The following HSDL1 variants were observed in gnomAD, a reference collection of about 807,000 sequenced individuals.
HSDL1 encodes the protein inactive hydroxysteroid dehydrogenase-like protein 1.
In HSDL1, 29 loss-of-function variants were observed where a neutral mutation model predicts 31.5. That is an observed-to-expected ratio of 0.92 (90% CI 0.69 to 1.26). The LOEUF (loss-of-function observed/expected upper bound fraction) is 1.26, where lower values mean the gene tolerates loss of function less well. Ranked by LOEUF, HSDL1 falls within the 50% of genes most tolerant of loss-of-function variation. The pLI, the probability that HSDL1 is intolerant of heterozygous loss-of-function variation, is 0.00. For missense variants in HSDL1, 503 were observed against 416.6 expected (o/e 1.21, Z -1.81); for synonymous variants, 222 against 155.2 (o/e 1.43, Z -3.20).
chr16:84,141,954 G>A (rs955216812), intron 1 of HSDL1, among the ~76,000 whole-genome samples: 2 of 152,144 alleles, frequency 1.3e-5, no homozygotes, highest in African/African-American at 4.8e-5. Flanking sequence ...TTGAGACAAG[G>A]TCTGGCTCTA....
rs1597369190 is a variant in HSDL1, at chr16:84,123,251, C to G, written c.*1379G>C. On this transcript the variant is annotated 3_prime_UTR_variant, in exon 6 of 6. Coordinates refer to ENST00000219439, the MANE Select transcript of HSDL1 (RefSeq NM_031463.5). Reference sequence around the variant, plus strand: ...TGTGTTCATAAAACTGTGCTTAGGTCTGCTTATGATAGATTATCACGTCAC... The same window carrying G: ...TGTGTTCATAAAACTGTGCTTAGGTGTGCTTATGATAGATTATCACGTCAC... The G allele has an allele frequency of 6.6e-6, 1 of 152,320 alleles. No homozygotes were observed. Among genetic ancestry groups the G allele is most frequent in the Middle Eastern group, 3.4e-3 (1 of 294 alleles). The allele number at this position is 152,320 out of a possible 1,614,324, so 9.4% of individuals were successfully genotyped here.
chr16:84,130,491 ACCCAAAGTAC>A, intron 3 of HSDL1, 60 bp from the exon 4 acceptor site: 1 of 1,360,174 alleles, frequency 7.4e-7, no homozygotes, highest in Non-Finnish European at 1.0e-6. Context: ...CTTAAAATGG[ACCCAAAGTAC>A]CCCCTGTCAG....
At chr16:84,134,136 C>A (rs973873856) in intron 2 of HSDL1, among the ~76,000 whole-genome samples, 1 of 152,048 alleles carries the variant, frequency 6.6e-6, no homozygotes, top group African/African-American at 2.4e-5. Context: ...GTGTAGCGAA[C>A]GAGCATACCT....
chr16:84,125,562 CAACA>C (rs1419534073), intron 5 of HSDL1, among the ~76,000 whole-genome samples: 1 of 151,930 alleles, frequency 6.6e-6, no homozygotes, highest in African/African-American at 2.4e-5. Flanking sequence ...CAATCAATCA[CAACA>C]AATACCCACC....
At chr16:84,143,727 T>C (rs2086795386) in intron 1 of HSDL1, among the ~76,000 whole-genome samples, 1 of 151,706 alleles carries the variant, frequency 6.6e-6, no homozygotes, top group African/African-American at 2.4e-5. Flanking sequence ...CCGGGTACAG[T>C]GGCTCATGTC....
rs1213600091 is a variant in HSDL1, at chr16:84,124,739, A to G, written c.895-11T>C. The G allele has an allele frequency of 6.3e-6, 10 of 1,597,434 alleles. No homozygotes were observed. The highest frequency in any genetic ancestry group is 8.6e-6 in the Non-Finnish European group (10 of 1,165,056). On this transcript the variant is annotated splice_polypyrimidine_tract_variant and intron_variant, in intron 5 of 5. Coordinates refer to ENST00000219439, the MANE Select transcript of HSDL1 (RefSeq NM_031463.5). ...CTGTGCAAAAAGAAACTAAAAATGAAAGAGAAAAAGGTTGTAAGGTTAGAA... is the reference window on the plus strand; with the variant it reads ...CTGTGCAAAAAGAAACTAAAAATGAGAGAGAAAAAGGTTGTAAGGTTAGAA...
At position 84,128,674 on chromosome 16, in the gene HSDL1, T is replaced by G. The variant is rs565318852; in HGVS notation, c.894+874A>C. The stretch of plus-strand genomic sequence containing the variant: ...AAATTCCCATGTAAATACTTAGTAT[T>G]TTTATAGTCCTAACATCCACTTACA... On this transcript the variant is annotated intron_variant, in intron 5 of 5. Coordinates refer to ENST00000219439, the MANE Select transcript of HSDL1 (RefSeq NM_031463.5). Among the ~76,000 whole-genome samples the G allele has an allele frequency of 3.3e-5, 5 of 152,290 alleles. No individual in the cohort carries two copies. In the East Asian group the frequency reaches 9.6e-4, roughly 29 times the overall value.
chr16:84,129,668 G>T lies in HSDL1; in HGVS notation c.774C>A (p.Pro258=), dbSNP rs2086642630. Residue 258 remains proline (P), a synonymous_variant, in exon 5 of 6, where the codon CCC becomes CCA. Transcript: ENST00000219439. ...ACGAGCACCTGTGCAGAAAGTTGCTGGGTGCTGTCATGCTGGTGGCTACAT... is the reference window on the plus strand; with the variant it reads ...ACGAGCACCTGTGCAGAAAGTTGCTTGGTGCTGTCATGCTGGTGGCTACAT... ...PFYVATSMTA[P]SNFLHRCSWL... is the part of the protein sequence containing the mutation. 1 of 1,614,054 alleles carries T rather than the reference G, an allele frequency of 6.2e-7. No homozygotes were observed. Among genetic ancestry groups the T allele is most frequent in the Admixed American group, 1.7e-5 (1 of 60,006 alleles).
At chr16:84,142,098 T>G (rs1271516848) in intron 1 of HSDL1, among the ~76,000 whole-genome samples, 9 of 152,142 alleles carry the variant, frequency 5.9e-5, no homozygotes, top group African/African-American at 2.2e-4. Context: ...AGTTAAATTT[T>G]TTTTGTGTGT....
At chr16:84,141,178 T>C (rs1391533920) in intron 1 of HSDL1, among the ~76,000 whole-genome samples, 1 of 152,136 alleles carries the variant, frequency 6.6e-6, no homozygotes, top group Non-Finnish European at 1.5e-5. Context: ...TTTGGTGACT[T>C]GTTTCTTTCA....
At chr16:84,141,197 C>A (rs1037805989) in intron 1 of HSDL1, among the ~76,000 whole-genome samples, 1 of 150,730 alleles carries the variant, frequency 6.6e-6, no homozygotes, top group Non-Finnish European at 1.5e-5. Context: ...CACTCAACAT[C>A]ATTCCCGAGA....
In HSDL1 at chr16:84,130,303, CT is replaced by C; in HGVS notation, c.348del (p.Val117TrpfsTer6). On this transcript the variant is annotated frameshift_variant, in exon 4 of 6. Transcript: ENST00000219439. LOFTEE classifies it high-confidence loss of function. ...VVAKDIADTY[K>X]VETDIIVADF... ...TCCGCAACTATAATATCAGTTTCCA[CT>C]TTGTACGTGTCGGCTATGTCTTTAG... 1 of 1,614,220 alleles carries C rather than the reference CT, an allele frequency of 6.2e-7. No individual in the cohort carries two copies.
chr16:84,128,882 AT>A (rs1567518870), intron 5 of HSDL1, among the ~76,000 whole-genome samples: 1 of 151,704 alleles, frequency 6.6e-6, no homozygotes, highest in Non-Finnish European at 1.5e-5. Context: ...TAATTTTTGT[AT>A]TTTTAGTACA....
intron 5 of HSDL1, among the ~76,000 whole-genome samples, chr16:84,128,102 A>G (rs1158781027): frequency 6.6e-6 from 1 of 151,540 alleles, no homozygotes; most frequent in Non-Finnish European, 1.5e-5. Context: ...CAGCCTGACC[A>G]ACATGGTGAA....
rs755231442 is a variant in HSDL1 at position 84,130,202 on chromosome 16, ATTTACC to A, written c.444_449del (p.Leu148_Asn150delinsPhe). 6.2e-7 allele frequency: 1 copy of A among 1,614,214 alleles called. No individual in the cohort carries two copies. ...GGTAGGGATAAAACACACCCACGTT[ATTTACC>A]AAGATGCCAACGTCTTTGTCCTTCA... On this transcript the variant is annotated inframe_deletion, in exon 4 of 6. Transcript: ENST00000219439.
chr16:84,132,941 C>A (rs2086681691), intron 2 of HSDL1, among the ~76,000 whole-genome samples: 1 of 149,632 alleles, frequency 6.7e-6, no homozygotes, highest in African/African-American at 2.5e-5. Context: ...TATAAAACTT[C>A]TGGGGGTGGC....
intron 5 of HSDL1, among the ~76,000 whole-genome samples, chr16:84,127,238 A>G (rs1164611326): frequency 3.2e-5 from 3 of 92,390 alleles, no homozygotes; most frequent in Non-Finnish European, 4.5e-5. Context: ...TTTTTTTGAG[A>G]TAAGAGTCTA....
At chr16:84,128,788 A>G (rs940061505) in intron 5 of HSDL1, among the ~76,000 whole-genome samples, 5 of 151,710 alleles carry the variant, frequency 3.3e-5, no homozygotes, top group African/African-American at 1.2e-4. Flanking sequence ...GCTCACTGCA[A>G]CCTCCGCCTC....
At chr16:84,144,881 G>A (rs1376238808) in intron 1 of HSDL1, among the ~76,000 whole-genome samples, 199 bp downstream of exon 1, 1 of 151,690 alleles carries the variant, frequency 6.6e-6, no homozygotes, top group African/African-American at 2.4e-5. Flanking sequence ...CTCACGGGAC[G>A]GAGGGACGAA....
Sources: gnomAD v4.1 joint callset for allele counts (sites outside exome capture counted in the v4.1 genomes callset) on GRCh38, gnomAD v4.1.1 for gene constraint, MANE v1.5 for transcripts, NCBI Gene and HGNC (gene_info 2026-07-23, HGNC 2026-07-21) for gene names.